LRRC4C: variants seen among roughly 807,000 people sequenced by gnomAD.
LRRC4C encodes the protein leucine rich repeat containing 4C.
Under a neutral mutation model 33.6 loss-of-function variants are expected in LRRC4C, and 5 were observed. That is an observed-to-expected ratio of 0.15 (90% CI 0.08 to 0.31). The LOEUF (loss-of-function observed/expected upper bound fraction) is 0.31. Among genes scored for constraint, LRRC4C ranks in the 10% least tolerant of loss-of-function variants. The pLI is 1.00. For synonymous variants in LRRC4C, 329 were observed against 302.0 expected (o/e 1.09, Z -0.93); for missense variants, 560 against 796.7 (o/e 0.70, Z 3.58).
chr11:40,146,336 T>C (rs1375293418), intron 5 of LRRC4C, among the ~76,000 whole-genome samples: 1 of 152,178 alleles, frequency 6.6e-6, no homozygotes, highest in Non-Finnish European at 1.5e-5. Flanking sequence ...CCTGATTGTT[T>C]GTCATTTTCA....
At chr11:40,981,786 A>T (rs1852560490) in intron 1 of LRRC4C, among the ~76,000 whole-genome samples, 1 of 152,212 alleles carries the variant, frequency 6.6e-6, no homozygotes, top group African/African-American at 2.4e-5. Context: ...CAATTTTTTA[A>T]AAAAGTAGTT....
chr11:40,765,596 A>G (rs1250019100), intron 2 of LRRC4C, among the ~76,000 whole-genome samples: 1 of 152,204 alleles, frequency 6.6e-6, no homozygotes, highest in Admixed American at 6.6e-5. Flanking sequence ...GAAGGAATTC[A>G]TAACCATATC....
chr11:40,948,734 AT>A (rs1475905475), intron 1 of LRRC4C, among the ~76,000 whole-genome samples: 2 of 148,354 alleles, frequency 1.3e-5, no homozygotes, highest in Non-Finnish European at 3.0e-5. Flanking sequence ...TCCATGGTGT[AT>A]ATGTGCCACA....
chr11:41,234,970 C>A (rs2136492609), intron 1 of LRRC4C, among the ~76,000 whole-genome samples: 1 of 151,876 alleles, frequency 6.6e-6, no homozygotes, highest in Non-Finnish European at 1.5e-5. Context: ...GCCTGGAGAC[C>A]CTGAAAATCT....
At chr11:40,202,991 G>A (rs1166466305) in intron 5 of LRRC4C, among the ~76,000 whole-genome samples, 1 of 151,956 alleles carries the variant, frequency 6.6e-6, no homozygotes, top group African/African-American at 2.4e-5. Context: ...GTCCTTTCTT[G>A]CAAATCATTC....
chr11:40,314,454 G>A (rs1023472182), intron 4 of LRRC4C, among the ~76,000 whole-genome samples: 6 of 152,170 alleles, frequency 3.9e-5, no homozygotes, highest in South Asian at 2.1e-4. Flanking sequence ...TGTTGGAAAC[G>A]TAAACAAGTA....
intron 5 of LRRC4C, among the ~76,000 whole-genome samples, chr11:40,170,116 A>T (rs1859923211): frequency 1.3e-5 from 2 of 152,230 alleles, no homozygotes; most frequent in African/African-American, 4.8e-5. Flanking sequence ...ATAGTACTAG[A>T]ATGTTACAAA....
rs79515338 is a variant in LRRC4C at position 40,286,712 on chromosome 11, G to A, written c.-176+32916C>T. Among the ~76,000 whole-genome samples, 1,145 of 152,224 alleles carry A rather than the reference G, an allele frequency of 7.5e-3. 11 individuals are homozygous for A. The highest frequency in any genetic ancestry group is 0.026 in the African/African-American group (1,069 of 41,532). ...TGCCAAATACTTAAGACATTTTATT[G>A]CTCCCAAAATAACTGCAAAAAATAA... On this transcript the variant is annotated intron_variant, in intron 4 of 6. Transcript: ENST00000528697.
chr11:40,561,408 CTTTT>C (rs549919738), intron 3 of LRRC4C, among the ~76,000 whole-genome samples: 5 of 100,928 alleles, frequency 5.0e-5, no homozygotes, highest in Admixed American at 2.4e-4. Flanking sequence ...CTGAGGATTC[CTTTT>C]TTTTTTTTTT....
chr11:40,633,848 T>C (rs770586117), intron 3 of LRRC4C, among the ~76,000 whole-genome samples: 10 of 152,236 alleles, frequency 6.6e-5, no homozygotes, highest in Non-Finnish European at 1.3e-4. Context: ...ATTTGTATTT[T>C]ATGTGAGTAT....
At chr11:40,422,096 A>G (rs1950542200) in intron 3 of LRRC4C, among the ~76,000 whole-genome samples, 1 of 152,248 alleles carries the variant, frequency 6.6e-6, no homozygotes, top group African/African-American at 2.4e-5. Context: ...CAAACTAAAA[A>G]TATATAAAGA....
At chr11:40,256,638 C>T (rs1043156836) in intron 4 of LRRC4C, among the ~76,000 whole-genome samples, 5 of 152,174 alleles carry the variant, frequency 3.3e-5, no homozygotes, top group African/African-American at 1.2e-4. Flanking sequence ...TATATAACCA[C>T]ATCTCCTGAA....
chr11:40,501,298 G>T (rs529082220), intron 3 of LRRC4C, among the ~76,000 whole-genome samples: 218 of 152,204 alleles, frequency 1.4e-3, no homozygotes, highest in Non-Finnish European at 2.2e-3. Flanking sequence ...CCATTCTGGG[G>T]CCTGGAGGAC....
intron 3 of LRRC4C, among the ~76,000 whole-genome samples, chr11:40,572,072 A>G (rs1346778854): frequency 1.3e-5 from 2 of 152,200 alleles, no homozygotes; most frequent in East Asian, 3.8e-4. Flanking sequence ...ACAAATGACT[A>G]TCGGTCCTAC....
At chr11:40,335,263 G>A (rs1259183550) in intron 3 of LRRC4C, among the ~76,000 whole-genome samples, 4 of 151,962 alleles carry the variant, frequency 2.6e-5, no homozygotes, top group African/African-American at 7.3e-5. Context: ...TTATATCAAG[G>A]AAGTAGGTTT....
At chr11:40,890,344 A>G (rs907558853) in intron 2 of LRRC4C, among the ~76,000 whole-genome samples, 1 of 152,168 alleles carries the variant, frequency 6.6e-6, no homozygotes, top group Non-Finnish European at 1.5e-5. Context: ...GACAGAGAGC[A>G]CTAAAGAGAG....
At chr11:41,173,202 T>C (rs1945051634) in intron 1 of LRRC4C, among the ~76,000 whole-genome samples, 1 of 152,116 alleles carries the variant, frequency 6.6e-6, no homozygotes, top group South Asian at 2.1e-4. Context: ...AAATGCAAAT[T>C]AATTATAAAG....
At chr11:40,541,288 C>G (rs1956697707) in intron 3 of LRRC4C, among the ~76,000 whole-genome samples, 1 of 152,048 alleles carries the variant, frequency 6.6e-6, no homozygotes, top group Non-Finnish European at 1.5e-5. Context: ...CTCAAGTGAT[C>G]CTCTTGCAGG....
At chr11:40,944,369 G>A (rs980099366) in intron 1 of LRRC4C, among the ~76,000 whole-genome samples, 1 of 152,036 alleles carries the variant, frequency 6.6e-6, no homozygotes, top group Non-Finnish European at 1.5e-5. Context: ...CCAGTGTAGG[G>A]GTTCACATCC....
Sources: gnomAD v4.1 joint callset for allele counts (sites outside exome capture counted in the v4.1 genomes callset) on GRCh38, gnomAD v4.1.1 for gene constraint, MANE v1.5 for transcripts, NCBI Gene and HGNC (gene_info 2026-07-23, HGNC 2026-07-21) for gene names.